SLC25A21: variants seen among roughly 807,000 people sequenced by gnomAD.
SLC25A21 encodes solute carrier family 25 member 21, also known as mitochondrial 2-oxodicarboxylate carrier.
A neutral mutation model predicts 43.8 loss-of-function variants in SLC25A21; 47 were observed. The observed-to-expected ratio is 1.07, with a 90% CI of 0.85 to 1.37. The LOEUF is 1.37. Ranked by LOEUF, SLC25A21 falls within the 40% of genes most tolerant of loss-of-function variation. The pLI is 0.00. For synonymous variants in SLC25A21, 131 were observed against 121.3 expected (o/e 1.08, Z -0.52); for missense variants, 352 against 350.2 (o/e 1.00, Z -0.04).
chr14:36,939,504 C>T (rs1019208683), intron 1 of SLC25A21, among the ~76,000 whole-genome samples: 1 of 152,012 alleles, frequency 6.6e-6, no homozygotes, highest in Non-Finnish European at 1.5e-5. Flanking sequence ...CCATCTAAAT[C>T]TTTGTGACAT....
At chr14:36,821,959 A>G (rs915370130) in intron 2 of SLC25A21, among the ~76,000 whole-genome samples, 1 of 152,212 alleles carries the variant, frequency 6.6e-6, no homozygotes, top group African/African-American at 2.4e-5. Context: ...AGTTCCAGAC[A>G]TGAATTTTTG....
intron 1 of SLC25A21, among the ~76,000 whole-genome samples, chr14:37,161,368 G>A (rs1963937305): frequency 6.6e-6 from 1 of 152,178 alleles, no homozygotes; most frequent in Non-Finnish European, 1.5e-5. Context: ...AAGACTGAGT[G>A]AGGAACTTTT....
At chr14:37,058,328 A>C (rs1161918025) in intron 1 of SLC25A21, among the ~76,000 whole-genome samples, 1 of 152,216 alleles carries the variant, frequency 6.6e-6, no homozygotes, top group Non-Finnish European at 1.5e-5. Context: ...GGAAGATTTC[A>C]GGTTGTTAAA....
intron 2 of SLC25A21, among the ~76,000 whole-genome samples, chr14:36,833,979 T>C (rs549800183): frequency 1.3e-5 from 2 of 152,336 alleles, no homozygotes; most frequent in East Asian, 3.9e-4. Flanking sequence ...CTTTGAAATA[T>C]CTAGAACTAA....
At chr14:36,986,229 A>G (rs1044211366) in intron 1 of SLC25A21, among the ~76,000 whole-genome samples, 26 of 152,170 alleles carry the variant, frequency 1.7e-4, no homozygotes, top group Admixed American at 1.2e-3. Flanking sequence ...TAATCTACAT[A>G]TTAAAAACCA....
In SLC25A21 at chr14:37,106,145, A is replaced by G. The variant is rs372073055; in HGVS notation, c.70+66136T>C. Among the ~76,000 whole-genome samples the G allele has an allele frequency of 2.7e-4, 41 of 152,260 alleles. No homozygotes were observed. In the South Asian group the frequency reaches 2.9e-3, roughly 11 times the overall value. ...TTGATTGTAAAATGTGTGTTTGAAC[A>G]ATATGAAATCAGTGCACCTTGAAAA... On this transcript the variant is annotated intron_variant, in intron 1 of 9. Coordinates refer to ENST00000331299, the MANE Select transcript of SLC25A21 (RefSeq NM_030631.4).
At chr14:36,879,135 A>G (rs1174361370) in intron 1 of SLC25A21, among the ~76,000 whole-genome samples, 1 of 152,218 alleles carries the variant, frequency 6.6e-6, no homozygotes, top group Non-Finnish European at 1.5e-5. Flanking sequence ...AGTCATGCTT[A>G]ATTTTAAATG....
chr14:36,911,653 C>G lies in SLC25A21; in HGVS notation c.71-36649G>C, dbSNP rs561358446. Among the ~76,000 whole-genome samples the G allele has an allele frequency of 3.3e-5, 5 of 152,292 alleles. No homozygotes were observed. The East Asian group carries it at 9.7e-4, about 29-fold the overall frequency. On this transcript the variant is annotated intron_variant, in intron 1 of 9. Transcript: ENST00000331299. ...AGAACTGAGGCTCTCTAGTCCCAGC[C>G]AATAGCTGGCACCAACTGCCAGCTC...
intron 3 of SLC25A21, among the ~76,000 whole-genome samples, chr14:36,739,685 GA>G (rs34054791): frequency 0.46 from 63,007 of 137,672 alleles, 13,666 homozygotes; most frequent in South Asian, 0.56. Context: ...TAAAAAAAAA[GA>G]AAAAAAAAAA....
intron 1 of SLC25A21, among the ~76,000 whole-genome samples, chr14:36,946,445 C>T (rs1892681351): frequency 6.6e-6 from 1 of 151,830 alleles, no homozygotes; most frequent in South Asian, 2.1e-4. Context: ...ACTATTAATA[C>T]CAATAAATAA....
intron 1 of SLC25A21, among the ~76,000 whole-genome samples, chr14:36,899,154 C>T (rs903610884): frequency 7.0e-4 from 106 of 152,104 alleles, no homozygotes; most frequent in African/African-American, 2.4e-3. Context: ...CTATGGGAGG[C>T]CAAGGCAGTA....
At chr14:37,023,212 A>T (rs2138756882) in intron 1 of SLC25A21, among the ~76,000 whole-genome samples, 1 of 152,104 alleles carries the variant, frequency 6.6e-6, no homozygotes, top group South Asian at 2.1e-4. Context: ...CTAGCTGTCA[A>T]TCTTTACTCC....
chr14:36,739,519 A>T (rs1450373612), intron 3 of SLC25A21, among the ~76,000 whole-genome samples: 2 of 152,018 alleles, frequency 1.3e-5, no homozygotes, highest in African/African-American at 2.4e-5. Flanking sequence ...CTCTACTAAA[A>T]ATACAAAAAT....
chr14:37,123,651 A>G (rs1963249345), intron 1 of SLC25A21, among the ~76,000 whole-genome samples: 1 of 152,212 alleles, frequency 6.6e-6, no homozygotes, highest in Non-Finnish European at 1.5e-5. Flanking sequence ...TTCTTAGAAT[A>G]TAATATAAAA....
chr14:37,172,088 C>T (rs1964140592), intron 1 of SLC25A21, 193 bp downstream of exon 1: 1 of 585,648 alleles, frequency 1.7e-6, no homozygotes, highest in East Asian at 3.0e-5. Flanking sequence ...TTACTTGGGG[C>T]ACCCACTACT....
intron 1 of SLC25A21, among the ~76,000 whole-genome samples, chr14:37,043,940 G>GTTTTTTTTTTTTT (rs59081965): frequency 1.8e-4 from 10 of 56,756 alleles, no homozygotes; most frequent in African/African-American, 6.2e-4. Flanking sequence ...ATGTTTTTTT[G>GTTTTTTTTTTTTT]TTTTTTTTTT....
intron 3 of SLC25A21, among the ~76,000 whole-genome samples, chr14:36,747,110 C>G (rs1018895042): frequency 1.3e-5 from 2 of 152,258 alleles, no homozygotes; most frequent in African/African-American, 2.4e-5. Context: ...GTTGGAATGA[C>G]TTGCATATTT....
intron 3 of SLC25A21, among the ~76,000 whole-genome samples, chr14:36,764,313 T>A (rs1316520535): frequency 3.3e-5 from 5 of 151,370 alleles, no homozygotes. Context: ...TGCCTTTCAT[T>A]GAGATGGCTC....
At chr14:36,981,862 A>T (rs72667338) in intron 1 of SLC25A21, among the ~76,000 whole-genome samples, 11,016 of 152,220 alleles carry the variant, frequency 0.072, 429 homozygotes, top group Admixed American at 0.083. Context: ...TAAATTAAAA[A>T]AATAAATAAA....
Sources: gnomAD v4.1 joint callset for allele counts (sites outside exome capture counted in the v4.1 genomes callset) on GRCh38, gnomAD v4.1.1 for gene constraint, MANE v1.5 for transcripts, NCBI Gene and HGNC (gene_info 2026-07-23, HGNC 2026-07-21) for gene names.